The following CCDC85A variants were observed in gnomAD, a reference collection of about 807,000 sequenced individuals.
CCDC85A encodes coiled-coil domain containing 85A.
In CCDC85A, 38 loss-of-function variants were observed where a neutral mutation model predicts 50.2. The observed-to-expected ratio is 0.76, with a 90% CI of 0.58 to 0.99. CCDC85A has a LOEUF of 0.99. Among genes scored for constraint, CCDC85A ranks in the 50% least tolerant of loss-of-function variants. CCDC85A has a pLI of 0.00. For missense variants in CCDC85A, 820 were observed against 742.0 expected, an observed-to-expected ratio of 1.11 and a Z score of -1.22; for synonymous variants, 366 against 301.4, an observed-to-expected ratio of 1.21 and a Z score of -2.22.
Position 56,384,419 on chromosome 2 carries a change from A to G in CCDC85A, c.*64A>G. Reference sequence around the variant, plus strand: ...AAAGTGATAGAAGACAAGAAGAAAAAGGAAAGAGTGGGTTTCCACAAACCT... The same window carrying G: ...AAAGTGATAGAAGACAAGAAGAAAAGGGAAAGAGTGGGTTTCCACAAACCT... On this transcript the variant is annotated 3_prime_UTR_variant, in exon 6 of 6. Transcript: ENST00000407595. 6.9e-7 allele frequency: 1 copy of G among 1,441,672 alleles called. No individual in the cohort carries two copies. The highest frequency in any genetic ancestry group is 1.7e-5 in the Admixed American group (1 of 58,654). The allele number at this position is 1,441,672 out of a possible 1,614,324, so 89.3% of individuals were successfully genotyped here. A position where few individuals can be genotyped will look rare whatever the true frequency, so the allele number is the denominator to read the frequency against.
intron 2 of CCDC85A, among the ~76,000 whole-genome samples, chr2:56,316,004 T>C (rs1237549247): frequency 2.0e-5 from 3 of 152,090 alleles, no homozygotes; most frequent in Non-Finnish European, 4.4e-5. Flanking sequence ...CTTGGTGAAA[T>C]TCTGTAGGCC....
intron 2 of CCDC85A, among the ~76,000 whole-genome samples, chr2:56,267,160 A>G (rs1337901473): frequency 3.3e-5 from 5 of 152,056 alleles, no homozygotes; most frequent in African/African-American, 4.8e-5. Context: ...AAATGGAACA[A>G]TTTTCACTGG....
intron 3 of CCDC85A, among the ~76,000 whole-genome samples, chr2:56,352,418 T>A (rs1674999631): frequency 6.6e-6 from 1 of 152,172 alleles, no homozygotes; most frequent in African/African-American, 2.4e-5. Flanking sequence ...TGATCGCGGC[T>A]CACTGCAATC....
At chr2:56,342,720 CTTCTG>C (rs1349887131) in intron 2 of CCDC85A, among the ~76,000 whole-genome samples, 154 bp from the exon 3 acceptor site, 2 of 151,364 alleles carry the variant, frequency 1.3e-5, no homozygotes, top group Non-Finnish European at 2.9e-5. Flanking sequence ...GTTTCAGTGG[CTTCTG>C]TTCTTATTTT....
At chr2:56,199,181 C>T (rs560424053) in intron 2 of CCDC85A, among the ~76,000 whole-genome samples, 9 of 152,140 alleles carry the variant, frequency 5.9e-5, no homozygotes, top group South Asian at 4.1e-4. Flanking sequence ...TTCATCAGGT[C>T]ACAGCTTTTC....
intron 2 of CCDC85A, among the ~76,000 whole-genome samples, chr2:56,270,422 A>G (rs1222799372): frequency 3.3e-5 from 5 of 152,220 alleles, no homozygotes. Flanking sequence ...ATGTGATCAT[A>G]ATATGCCAAA....
intron 2 of CCDC85A, among the ~76,000 whole-genome samples, chr2:56,305,255 T>C (rs1228797022): frequency 6.6e-6 from 1 of 152,226 alleles, no homozygotes; most frequent in Non-Finnish European, 1.5e-5. Context: ...TAGTAATGGC[T>C]AGTGTTTACT....
At chr2:56,272,323 A>G (rs1303511290) in intron 2 of CCDC85A, among the ~76,000 whole-genome samples, 3 of 152,170 alleles carry the variant, frequency 2.0e-5, no homozygotes, top group African/African-American at 4.8e-5. Context: ...AGAGGGGGAT[A>G]TAAGCCAGAA....
rs529438797 is a variant in CCDC85A, at chr2:56,328,984, C to G, written c.1241-13895C>G. 5.3e-5 allele frequency among the ~76,000 whole-genome samples: 8 copies of G among 152,268 alleles called. No homozygotes were observed. The East Asian group carries it at 5.8e-4, about 11-fold the overall frequency. ...GTTGCCACAGTACACCACATCCGCC[C>G]TTCCTCAGTGGGCTCCTCCTGCAAG... is the stretch of plus-strand genomic sequence containing the variant. On this transcript the variant is annotated intron_variant, in intron 2 of 5. Transcript: ENST00000407595.
At chr2:56,345,686 A>T (rs1674600633) in intron 3 of CCDC85A, among the ~76,000 whole-genome samples, 1 of 152,234 alleles carries the variant, frequency 6.6e-6, no homozygotes, top group Non-Finnish European at 1.5e-5. Context: ...AGCATCATGT[A>T]GAGAATTCTC....
intron 2 of CCDC85A, among the ~76,000 whole-genome samples, chr2:56,296,015 C>T (rs1020398834): frequency 4.6e-5 from 7 of 152,196 alleles, no homozygotes; most frequent in South Asian, 2.1e-4. Context: ...AGGAGGCAGG[C>T]AGCCCTGAAA....
intron 2 of CCDC85A, among the ~76,000 whole-genome samples, chr2:56,287,980 C>T (rs1359108718): frequency 6.6e-6 from 1 of 152,046 alleles, no homozygotes; most frequent in African/African-American, 2.4e-5. Flanking sequence ...ATAGCAGAGG[C>T]CCTCTGGGGA....
At chr2:56,271,644 C>A (rs1244311241) in intron 2 of CCDC85A, among the ~76,000 whole-genome samples, 1 of 152,082 alleles carries the variant, frequency 6.6e-6, no homozygotes, top group Non-Finnish European at 1.5e-5. Flanking sequence ...ATCATTATAT[C>A]CCAAAGGTTT....
intron 2 of CCDC85A, among the ~76,000 whole-genome samples, chr2:56,249,437 G>A (rs1181616961): frequency 1.3e-5 from 2 of 152,206 alleles, no homozygotes; most frequent in African/African-American, 4.8e-5. Context: ...GAGCAGGAGG[G>A]TAGAGTGAAT....
chr2:56,309,076 A>G (rs1573225265), intron 2 of CCDC85A, among the ~76,000 whole-genome samples: 2 of 152,156 alleles, frequency 1.3e-5, no homozygotes, highest in Non-Finnish European at 2.9e-5. Context: ...TATTAATACG[A>G]TAGTTCTGCT....
chr2:56,371,541 T>G (rs972463960), intron 3 of CCDC85A, among the ~76,000 whole-genome samples: 1 of 152,060 alleles, frequency 6.6e-6, no homozygotes, highest in Non-Finnish European at 1.5e-5. Context: ...TCTTATTCCT[T>G]GGGACATTAT....
At chr2:56,185,026 C>A (rs1005557401) in intron 1 of CCDC85A, 126 bp downstream of exon 1, 13 of 1,172,424 alleles carry the variant, frequency 1.1e-5, no homozygotes, top group Non-Finnish European at 1.5e-5. Context: ...CCGGTCGGCA[C>A]CCCCTACCCC....
chr2:56,368,297 G>C (rs1367012790), intron 3 of CCDC85A, among the ~76,000 whole-genome samples: 2 of 152,106 alleles, frequency 1.3e-5, no homozygotes, highest in Non-Finnish European at 2.9e-5. Context: ...GAGGGTCTTA[G>C]CATTTCTAAG....
intron 2 of CCDC85A, among the ~76,000 whole-genome samples, chr2:56,306,286 C>A (rs142722443): frequency 1.3e-5 from 2 of 152,156 alleles, no homozygotes; most frequent in Admixed American, 6.5e-5. Flanking sequence ...CCTGCCACCA[C>A]ACCCAGCTAA....
Sources: allele counts gnomAD v4.1 joint callset (sites outside exome capture counted in the v4.1 genomes callset), GRCh38; gene constraint gnomAD v4.1.1; transcripts MANE v1.5; gene names NCBI Gene and HGNC (gene_info 2026-07-23, HGNC 2026-07-21).